Variants in RPH3A observed in about 807,000 individuals in gnomAD.
RPH3A encodes the protein rabphilin-3A.
In RPH3A, 48 loss-of-function variants were observed where a neutral mutation model predicts 102.2. The ratio of observed to expected loss-of-function variants is 0.47; its 90% CI spans 0.37 to 0.60. The LOEUF is 0.60. Ranked by LOEUF, RPH3A falls within the 20% of genes least tolerant of loss-of-function variation. The pLI is 0.00. For missense variants in RPH3A, 781 were observed against 910.1 expected (o/e 0.86, Z 1.83); for synonymous variants, 310 against 324.3 (o/e 0.96, Z 0.47).
intron 8 of RPH3A, chr12:112,869,496 T>C (rs1425424463): frequency 7.1e-6 from 3 of 425,148 alleles, no homozygotes; most frequent in East Asian, 4.0e-5. Context: ...TCCTTCTTCC[T>C]AGTTCTTCTA....
Position 112,840,785 on chromosome 12 carries a change from A to T in RPH3A, c.83+4283A>T, listed in dbSNP as rs545742316. 7.2e-5 allele frequency among the ~76,000 whole-genome samples: 11 copies of T among 152,232 alleles called. No individual in the cohort carries two copies. In the South Asian group the frequency reaches 8.3e-4, roughly 11 times the overall value. ...AGGTGTATTTCGGGTAGGGGCATAC[A>T]ACCAATTCCCCGCTTCCACCTCAAA... On this transcript the variant is annotated intron_variant, in intron 4 of 21. Transcript: ENST00000389385.
chr12:112,578,056 G>A (rs1258920064), intron 1 of RPH3A, among the ~76,000 whole-genome samples: 1 of 152,164 alleles, frequency 6.6e-6, no homozygotes, highest in Admixed American at 6.5e-5. Context: ...CTGTTCTCAA[G>A]CTTGCAGGAT....
At chr12:112,628,057 C>G (rs2039778399) in intron 1 of RPH3A, among the ~76,000 whole-genome samples, 1 of 152,102 alleles carries the variant, frequency 6.6e-6, no homozygotes, top group Non-Finnish European at 1.5e-5. Flanking sequence ...CTCACTGTCA[C>G]AAGAACGGCA....
intron 3 of RPH3A, 60 bp from the exon 4 acceptor site, chr12:112,836,431 A>G: frequency 9.6e-7 from 1 of 1,043,032 alleles, no homozygotes; most frequent in Non-Finnish European, 1.4e-6. Flanking sequence ...AGATATTGTT[A>G]TGATTTCTTA....
intron 1 of RPH3A, chr12:112,718,116 TACTA>T: frequency 6.6e-6 from 1 of 152,320 alleles, no homozygotes; most frequent in Non-Finnish European, 1.5e-5. Context: ...TTATTTTTCC[TACTA>T]ACTGTGCTGG....
intron 2 of RPH3A, among the ~76,000 whole-genome samples, chr12:112,814,036 G>GGT (rs149412754): frequency 9.0e-4 from 134 of 149,582 alleles, no homozygotes; most frequent in East Asian, 4.3e-3. Context: ...GTGGGAGTGG[G>GGT]GTGTGTGTGT....
At chr12:112,712,957 CTTCTTCT>C (rs2040480111) in intron 1 of RPH3A, among the ~76,000 whole-genome samples, 10 of 110,252 alleles carry the variant, frequency 9.1e-5, no homozygotes, top group East Asian at 2.7e-4. Context: ...TCTTCTTCTT[CTTCTTCT>C]TTCTTCTTCT....
At chr12:112,711,330 C>T (rs542133772) in intron 1 of RPH3A, among the ~76,000 whole-genome samples, 1 of 152,204 alleles carries the variant, frequency 6.6e-6, no homozygotes, top group Non-Finnish European at 1.5e-5. Context: ...ATTTGTGCTG[C>T]AATCCTGGGC....
chr12:112,799,141 C>T (rs1434994996), intron 2 of RPH3A, among the ~76,000 whole-genome samples: 1 of 152,168 alleles, frequency 6.6e-6, no homozygotes, highest in African/African-American at 2.4e-5. Flanking sequence ...AATCCCTGCA[C>T]TTTGGGAAGC....
chr12:112,856,484 ATGTGTGTGTGTGTG>A (rs3837520), intron 5 of RPH3A, among the ~76,000 whole-genome samples: 1 of 149,366 alleles, frequency 6.7e-6, no homozygotes, highest in African/African-American at 2.5e-5. Context: ...ACACATGTGC[ATGTGTGTGTGTGTG>A]TGTGTGTGTG....
chr12:112,811,951 G>A (rs945127847), intron 2 of RPH3A, among the ~76,000 whole-genome samples: 14 of 151,662 alleles, frequency 9.2e-5, no homozygotes, highest in South Asian at 2.1e-4. Flanking sequence ...TCATCTCATC[G>A]TTCTGCTTTC....
In RPH3A at chr12:112,836,518, CACTT is replaced by C. The variant is rs773003761; in HGVS notation, c.83+18_83+21del. 1.6e-4 allele frequency: 198 copies of C among 1,265,026 alleles called. No homozygotes were observed. The highest frequency in any genetic ancestry group is 1.9e-4 in the Non-Finnish European group (173 of 915,398). The allele number at this position is 1,265,026 out of a possible 1,614,324, so 78.4% of individuals were successfully genotyped here. ...ATAAAGAACAGTGAGTATTTTATAACACTTATTTATTTATTTTTTACAAACTGTA... is the reference window on the plus strand; with the variant it reads ...ATAAAGAACAGTGAGTATTTTATAACATTTATTTATTTTTTACAAACTGTA... On this transcript the variant is annotated intron_variant, in intron 4 of 21. Transcript: ENST00000389385.
chr12:112,862,530 C>G (rs2042536337), intron 5 of RPH3A, among the ~76,000 whole-genome samples: 1 of 152,214 alleles, frequency 6.6e-6, no homozygotes, highest in African/African-American at 2.4e-5. Context: ...AGACTATGGA[C>G]TGGGAGCTTG....
chr12:112,694,609 CAGAG>C (rs2040332630), intron 1 of RPH3A, among the ~76,000 whole-genome samples: 2 of 150,536 alleles, frequency 1.3e-5, no homozygotes, highest in African/African-American at 2.4e-5. Flanking sequence ...GAGAGACAGA[CAGAG>C]AGAGACAAAG....
At chr12:112,651,881 CATA>C (rs1391829741) in intron 1 of RPH3A, 1 of 152,194 alleles carries the variant, frequency 6.6e-6, no homozygotes, top group African/African-American at 2.4e-5. Context: ...TTTTACATAG[CATA>C]ATGTTTTACG....
chr12:112,815,593 G>C (rs2041658035), intron 2 of RPH3A, among the ~76,000 whole-genome samples: 1 of 152,216 alleles, frequency 6.6e-6, no homozygotes, highest in African/African-American at 2.4e-5. Context: ...GCAGAGGAGG[G>C]AGCAGGACGC....
chr12:112,721,081 AG>A (rs2040547220), intron 1 of RPH3A, among the ~76,000 whole-genome samples: 1 of 152,198 alleles, frequency 6.6e-6, no homozygotes, highest in Non-Finnish European at 1.5e-5. Context: ...TCCACACTTC[AG>A]TATTGTTGAG....
chr12:112,686,703 C>T (rs539491757), intron 1 of RPH3A, among the ~76,000 whole-genome samples: 323 of 152,342 alleles, frequency 2.1e-3, no homozygotes, highest in Middle Eastern at 6.8e-3. Context: ...CAGCTGAGAT[C>T]ATTCAGTAGC....
At chr12:112,657,076 C>T (rs150093199) in intron 1 of RPH3A, among the ~76,000 whole-genome samples, 67 of 152,120 alleles carry the variant, frequency 4.4e-4, no homozygotes, top group African/African-American at 1.6e-3. Context: ...GTAGTGTTCC[C>T]TTTCCTCCAC....
Sources: gnomAD v4.1 joint callset for allele counts (sites outside exome capture counted in the v4.1 genomes callset) on GRCh38, gnomAD v4.1.1 for gene constraint, MANE v1.5 for transcripts, NCBI Gene and HGNC (gene_info 2026-07-23, HGNC 2026-07-21) for gene names.